MED6: variants seen among roughly 807,000 people sequenced by gnomAD.
The protein encoded by MED6 is mediator of RNA polymerase II transcription subunit 6.
In MED6, 33 loss-of-function variants were observed where a neutral mutation model predicts 37.5. That is an observed-to-expected ratio of 0.88 (90% CI 0.67 to 1.18). The LOEUF is 1.18. Among genes scored for constraint, MED6 ranks in the 50% most tolerant of loss-of-function variants. MED6 has a pLI of 0.00. For missense variants in MED6, 235 were observed against 290.6 expected, an observed-to-expected ratio of 0.81 and a Z score of 1.39; for synonymous variants, 94 against 93.6, an observed-to-expected ratio of 1.00 and a Z score of -0.02.
rs1392350465 is a variant in MED6, at chr14:70,583,554, T to C, written c.*1259A>G. 6.6e-6 allele frequency: 1 copy of C among 152,210 alleles called. No individual in the cohort carries two copies. Among genetic ancestry groups the C allele is most frequent in the Non-Finnish European group, 1.5e-5 (1 of 68,044 alleles). The allele number at this position is 152,210 out of a possible 1,614,324, so 9.4% of individuals were successfully genotyped here. On this transcript the variant is annotated 3_prime_UTR_variant, in exon 8 of 8. Coordinates refer to ENST00000256379, the MANE Select transcript of MED6 (RefSeq NM_005466.4). ...ACTCTAGTGATTCCACTTCTGGAAC[T>C]CTATCCTAAGGAAATAAATACCAAA...
chr14:70,594,858 C>G (rs920932552), intron 3 of MED6: 4 of 663,886 alleles, frequency 6.0e-6, no homozygotes, highest in African/African-American at 5.3e-5. Context: ...GAGTGAGGAG[C>G]CTGGAGACCG....
At chr14:70,585,074 TC>T in intron 7 of MED6, 131 bp from the exon 8 acceptor site, 2 of 1,087,998 alleles carry the variant, frequency 1.8e-6, no homozygotes, top group Middle Eastern at 3.1e-4. Context: ...TCTAGCTGTT[TC>T]CCCAGGCAGA....
intron 6 of MED6, 41 bp from the exon 7 acceptor site, chr14:70,585,824 AAAG>A (rs779876295): frequency 6.3e-7 from 1 of 1,577,894 alleles, no homozygotes; most frequent in Non-Finnish European, 8.6e-7. Context: ...GGAAGAGGAA[AAAG>A]AAGAAAACAG....
rs1884614855 is a variant in MED6, at chr14:70,583,761, ATAAAG to A, written c.*1047_*1051del. ...TGGGGAAAAGCTTACAACAGATATA[ATAAAG>A]TAAAATTGTACGAAAGGAATGATTA... is the stretch of plus-strand genomic sequence containing the variant. On this transcript the variant is annotated 3_prime_UTR_variant, in exon 8 of 8. Coordinates refer to ENST00000256379, the MANE Select transcript of MED6 (RefSeq NM_005466.4). 1 of 219,780 alleles carries A rather than the reference ATAAAG, an allele frequency of 4.5e-6. No individual in the cohort carries two copies. Among genetic ancestry groups the A allele is most frequent in the South Asian group, 1.8e-4 (1 of 5,492 alleles). The allele number at this position is 219,780 out of a possible 1,614,324, so 13.6% of individuals were successfully genotyped here. A position where few individuals can be genotyped will look rare whatever the true frequency, so the allele number is the denominator to read the frequency against.
At position 70,591,601 on chromosome 14, in the gene MED6, A is replaced by G. The variant is rs913427891; in HGVS notation, c.467-220T>C. ...TAAATTCTAACATTTAAGCTGATACATATGTCTTTTAAAGATACTTCAGTT... is the reference window on the plus strand; with the variant it reads ...TAAATTCTAACATTTAAGCTGATACGTATGTCTTTTAAAGATACTTCAGTT... On this transcript the variant is annotated intron_variant, in intron 5 of 7. Coordinates refer to ENST00000256379, the MANE Select transcript of MED6 (RefSeq NM_005466.4). 7.0e-6 allele frequency: 3 copies of G among 427,248 alleles called. No homozygotes were observed. The South Asian group carries it at 9.0e-5, about 13-fold the overall frequency. 26.5% of individuals were successfully genotyped at this position (427,248 alleles called of 1,614,324 possible).
At chr14:70,594,076 A>C (rs748365164) in intron 3 of MED6, among the ~76,000 whole-genome samples, 8 of 152,202 alleles carry the variant, frequency 5.3e-5, no homozygotes, top group Non-Finnish European at 1.0e-4. Context: ...CAGAATCACA[A>C]CTTCTTTATC....
intron 3 of MED6, chr14:70,595,878 T>C: frequency 1.7e-6 from 1 of 591,232 alleles, no homozygotes; most frequent in South Asian, 1.8e-5. Flanking sequence ...AATAAAAAGT[T>C]CAGAGGTCAA....
At position 70,596,603 on chromosome 14, in the gene MED6, C is replaced by T; in HGVS notation, c.274+8G>A. On this transcript the variant is annotated splice_region_variant and intron_variant, in intron 3 of 7. Coordinates refer to ENST00000256379, the MANE Select transcript of MED6 (RefSeq NM_005466.4). ...AAGAAAACAATGCCTAAAGTTTACA[C>T]ATTTTACCTTGGGCAGGGGACTGCC... The T allele has an allele frequency of 6.2e-7, 1 of 1,600,980 alleles. No homozygotes were observed. The highest frequency in any genetic ancestry group is 8.6e-7 in the Non-Finnish European group (1 of 1,168,962).
intron 1 of MED6, among the ~76,000 whole-genome samples, chr14:70,599,403 C>G (rs937073083): frequency 1.3e-5 from 2 of 152,132 alleles, no homozygotes; most frequent in African/African-American, 4.8e-5. Context: ...AAATGGCCTC[C>G]TAACTGGTTT....
chr14:70,588,651 A>G lies in MED6; in HGVS notation c.582+2615T>C, dbSNP rs1884780253. 2.0e-5 allele frequency among the ~76,000 whole-genome samples: 3 copies of G among 150,664 alleles called. No homozygotes were observed. In the South Asian group the frequency reaches 6.3e-4, roughly 32 times the overall value. Reference sequence around the variant, plus strand: ...CAGTGAGCTGAGATCGTGCCACTGCACTCCAGCCTGGGCGACAGAGTGAGA... The same window carrying G: ...CAGTGAGCTGAGATCGTGCCACTGCGCTCCAGCCTGGGCGACAGAGTGAGA... On this transcript the variant is annotated intron_variant, in intron 6 of 7. Coordinates refer to ENST00000256379, the MANE Select transcript of MED6 (RefSeq NM_005466.4).
chr14:70,584,881 T>C lies in MED6; in HGVS notation c.673A>G (p.Thr225Ala), dbSNP rs1163807431. The change falls in exon 8 of 8, where the codon ACC becomes GCC. Residue 225 changes from threonine (T) to alanine (A), a missense_variant. Thr to Ala is a moderately conservative substitution (Grantham distance 58). Transcript: ENST00000256379. ...ACTGTCTGTTGTACATTCTTTGTGG[T>C]CTCCTTCTCCTCAGGTTTTACAGTT... ...PETVKPEEKE[T>A]TKNVQQTVSA... The C allele has an allele frequency of 4.3e-6, 7 of 1,614,162 alleles. No homozygotes were observed. In the East Asian group the frequency reaches 6.7e-5, roughly 15 times the overall value.
At chr14:70,597,923 G>A in intron 1 of MED6, 146 bp from the exon 2 acceptor site, 1 of 502,052 alleles carries the variant, frequency 2.0e-6, no homozygotes. Context: ...TGATGTAACA[G>A]AAGAGATTAT....
Position 70,584,655 on chromosome 14 carries a change from C to A in MED6, c.*158G>T. 3 of 934,118 alleles carry A rather than the reference C, an allele frequency of 3.2e-6. No individual in the cohort carries two copies. The highest frequency in any genetic ancestry group is 4.6e-6 in the Non-Finnish European group (3 of 646,636). 57.9% of individuals were successfully genotyped at this position (934,118 alleles called of 1,614,324 possible). A position where few individuals can be genotyped will look rare whatever the true frequency, so the allele number is the denominator to read the frequency against. On this transcript the variant is annotated 3_prime_UTR_variant, in exon 8 of 8. Transcript: ENST00000256379. ...CCTCCCAAAGTGCTGGGATTACAGGCGTGAGCCACCACATCCGGCCTAATA... is the reference window on the plus strand; with the variant it reads ...CCTCCCAAAGTGCTGGGATTACAGGAGTGAGCCACCACATCCGGCCTAATA...
intron 6 of MED6, among the ~76,000 whole-genome samples, chr14:70,588,688 AAATAATAATAATAATAAT>A (rs77093432): frequency 0.011 from 1,537 of 134,628 alleles, 25 homozygotes; most frequent in East Asian, 0.035. Flanking sequence ...TCCGTCTCAA[AAATAATAATAATAATAAT>A]AATAATAATA....
At chr14:70,585,873 A>G in intron 6 of MED6, 90 bp from the exon 7 acceptor site, 1 of 989,742 alleles carries the variant, frequency 1.0e-6, no homozygotes, top group Non-Finnish European at 1.5e-6. Context: ...CTGATGTCAT[A>G]TTAATAAAAT....
At position 70,584,240 on chromosome 14, in the gene MED6, T is replaced by C. The variant is rs1377990723; in HGVS notation, c.*573A>G. 3 of 729,398 alleles carry C rather than the reference T, an allele frequency of 4.1e-6. No homozygotes were observed. The highest frequency in any genetic ancestry group is 7.4e-6 in the Non-Finnish European group (3 of 404,390). 45.2% of individuals were successfully genotyped at this position (729,398 alleles called of 1,614,324 possible). On this transcript the variant is annotated 3_prime_UTR_variant, in exon 8 of 8. Coordinates refer to ENST00000256379, the MANE Select transcript of MED6 (RefSeq NM_005466.4). ...AGAAAAAAGTCATGATGAAGCAATA[T>C]ATACAAATACCTTTATTTTGCTTTT...
Position 70,596,423 on chromosome 14 carries a change from A to G in MED6, c.274+188T>C, listed in dbSNP as rs887563685. On this transcript the variant is annotated intron_variant, in intron 3 of 7. Coordinates refer to ENST00000256379, the MANE Select transcript of MED6 (RefSeq NM_005466.4). The stretch of plus-strand genomic sequence containing the variant: ...GGCTGCGTACCCTTACTGTGTTGTC[A>G]TAACAAATCTTAGCTGTAAGTACAA... The G allele has an allele frequency of 6.3e-5, 32 of 507,614 alleles. 1 individual carries two copies. Among genetic ancestry groups the G allele is most frequent in the East Asian group, 3.0e-5 (1 of 32,966 alleles). 31.4% of individuals were successfully genotyped at this position (507,614 alleles called of 1,614,324 possible). A position where few individuals can be genotyped will look rare whatever the true frequency, so the allele number is the denominator to read the frequency against.
Position 70,591,343 on chromosome 14 carries a change from T to C in MED6, c.505A>G (p.Ser169Gly). ...RPKAKRKEEP[S>G]SIFQRQRVDA... ...ACACGTTGTCTCTGAAAAATAGAGC[T>C]TGGTTCTTCTTTCCTTTTGGCTTTA... Residue 169 changes from serine to glycine, a missense_variant, in exon 6 of 8, where the codon AGC becomes GGC. By Grantham distance (56) the Ser-to-Gly change is moderately conservative. Transcript: ENST00000256379. 3 of 1,606,254 alleles carry C rather than the reference T, an allele frequency of 1.9e-6. No homozygotes were observed. The highest frequency in any genetic ancestry group is 2.5e-6 in the Non-Finnish European group (3 of 1,178,144).
intron 6 of MED6, among the ~76,000 whole-genome samples, chr14:70,587,849 T>C (rs1326089438): frequency 6.6e-6 from 1 of 152,152 alleles, no homozygotes; most frequent in Non-Finnish European, 1.5e-5. Context: ...ACTGAAACTC[T>C]CATCACATCA....
Sources: allele counts gnomAD v4.1 joint callset (sites outside exome capture counted in the v4.1 genomes callset), GRCh38; gene constraint gnomAD v4.1.1; transcripts MANE v1.5; gene names NCBI Gene and HGNC (gene_info 2026-07-23, HGNC 2026-07-21).